DNAH2: variants seen among roughly 807,000 people sequenced by gnomAD.
The protein encoded by DNAH2 is dynein axonemal heavy chain 2.
DNAH2 carries 323 observed loss-of-function variants against 523.5 expected under a neutral mutation model. That is an observed-to-expected ratio of 0.62 (90% CI 0.56 to 0.68). The LOEUF (loss-of-function observed/expected upper bound fraction) is 0.68. DNAH2 is among the 30% of genes least tolerant of loss of function. The pLI is 0.00. For missense variants in DNAH2, 4,907 were observed against 5,701.5 expected (o/e 0.86, Z 4.49); for synonymous variants, 2,093 against 2,177.4 (o/e 0.96, Z 1.08).
chr17:7,793,512 T>TTTCTTTCTTTCA (rs2076974253), intron 48 of DNAH2, among the ~76,000 whole-genome samples: 1 of 136,918 alleles, frequency 7.3e-6, no homozygotes, highest in African/African-American at 2.6e-5. Context: ...TCTTTCTTTC[T>TTTCTTTCTTTCA]TTCTTCTCTT....
intron 4 of DNAH2, among the ~76,000 whole-genome samples, chr17:7,729,119 A>C (rs561108046): frequency 1.8e-4 from 27 of 152,162 alleles, no homozygotes; most frequent in Non-Finnish European, 3.4e-4. Flanking sequence ...AACCAAAAAA[A>C]CACAAAAAAA....
At position 7,821,045 on chromosome 17, in the gene DNAH2, GTAA is replaced by G. The variant is rs765341526; in HGVS notation, c.11016-185_11016-183del. Among the ~76,000 whole-genome samples the G allele has an allele frequency of 6.6e-6, 1 of 151,930 alleles. No homozygotes were observed. The highest frequency in any genetic ancestry group is 1.5e-5 in the Non-Finnish European group (1 of 67,974). Reference sequence around the variant, plus strand: ...CAAGAGCGAAACTCTGTCTCAAAAAGTAATAATAATAATAAGTGGACTCTGGGA... The same window carrying G: ...CAAGAGCGAAACTCTGTCTCAAAAAGTAATAATAATAAGTGGACTCTGGGA... On this transcript the variant is annotated intron_variant, in intron 72 of 85. Coordinates refer to ENST00000572933, the MANE Select transcript of DNAH2 (RefSeq NM_020877.5). This position sits in a 1 kb window ranked among gnomAD's most constrained non-coding sequence, Gnocchi z 5.0.
Position 7,739,951 on chromosome 17 carries a change from C to T in DNAH2, c.1376+13C>T, listed in dbSNP as rs780583484. On this transcript the variant is annotated intron_variant, in intron 9 of 85. Coordinates refer to ENST00000572933, the MANE Select transcript of DNAH2 (RefSeq NM_020877.5). ...AAGACTACAATAAGTGAGGGAACCA[C>T]AGGCTGATGCCAGGCGTGGGCAGGG... The T allele has an allele frequency of 8.7e-6, 14 of 1,612,516 alleles. No individual in the cohort carries two copies. Among genetic ancestry groups the T allele is most frequent in the African/African-American group, 1.3e-5 (1 of 74,742 alleles).
intron 3 of DNAH2, among the ~76,000 whole-genome samples, chr17:7,724,757 T>TTTTTC (rs1555534687): frequency 9.3e-5 from 14 of 150,794 alleles, no homozygotes; most frequent in African/African-American, 1.2e-4. Flanking sequence ...TTTTTTTTTT[T>TTTTTC]CTGAGATGGA....
intron 63 of DNAH2, among the ~76,000 whole-genome samples, chr17:7,809,662 C>T (rs557887406): frequency 6.6e-6 from 1 of 152,272 alleles, no homozygotes; most frequent in Admixed American, 6.5e-5. Flanking sequence ...CTGGGGTGCA[C>T]TGCCAACAAC....
In DNAH2 at chr17:7,780,957, C is replaced by T; in HGVS notation, c.6004-85C>T. The T allele has an allele frequency of 6.2e-7, 1 of 1,604,042 alleles. No homozygotes were observed. The highest frequency in any genetic ancestry group is 8.5e-7 in the Non-Finnish European group (1 of 1,175,356). On this transcript the variant is annotated intron_variant, in intron 38 of 85. Coordinates refer to ENST00000572933, the MANE Select transcript of DNAH2 (RefSeq NM_020877.5). This position sits in a 1 kb window ranked among gnomAD's most constrained non-coding sequence, Gnocchi z 4.4. ...ATGGCTAACTGGTGTATCCATTGTT[C>T]TTGGCACGTGCCCCGAAGCCCTTTG...
In DNAH2 at chr17:7,744,827, A is replaced by G. The variant is rs563110894; in HGVS notation, c.1904+1685A>G. ...TTGAACCTGCAAGACACATTCTCCC[A>G]TCGAGCTGGGTACCCCCAAAGTTAT... is the stretch of plus-strand genomic sequence containing the variant. On this transcript the variant is annotated intron_variant, in intron 12 of 85. Coordinates refer to ENST00000572933, the MANE Select transcript of DNAH2 (RefSeq NM_020877.5). 9.2e-5 allele frequency among the ~76,000 whole-genome samples: 14 copies of G among 152,266 alleles called. No individual in the cohort carries two copies. In the East Asian group the frequency reaches 2.5e-3, roughly 27 times the overall value.
At position 7,754,209 on chromosome 17, in the gene DNAH2, G is replaced by A. The variant is rs909384487; in HGVS notation, c.1905-2882G>A. 8 of 183,712 alleles carry A rather than the reference G, an allele frequency of 4.4e-5. No individual in the cohort carries two copies. Among genetic ancestry groups the A allele is most frequent in the Admixed American group, 2.4e-4 (4 of 16,520 alleles). 11.4% of individuals were successfully genotyped at this position (183,712 alleles called of 1,614,324 possible). The stretch of plus-strand genomic sequence containing the variant: ...GAAGAAGGACAGGAGTTGAAGGGGC[G>A]CTGTTTTTTATCCTTTTAATATTGT... On this transcript the variant is annotated intron_variant, in intron 12 of 85. Transcript: ENST00000572933. This position sits in a 1 kb window ranked among gnomAD's most constrained non-coding sequence, Gnocchi z 4.6.
chr17:7,792,149 G>A, intron 45 of DNAH2, 80 bp downstream of exon 45: 36 of 1,601,950 alleles, frequency 2.2e-5, no homozygotes, highest in Non-Finnish European at 2.7e-5. Flanking sequence ...CTCTGCTTGG[G>A]TTTCCCTCTC....
At chr17:7,758,847 C>G in intron 14 of DNAH2, 38 bp from the exon 15 acceptor site, 1 of 1,609,268 alleles carries the variant, frequency 6.2e-7, no homozygotes, top group Non-Finnish European at 8.5e-7. Context: ...TGGTCTCTTC[C>G]CGAGCTGAAA....
chr17:7,786,253 G>A lies in DNAH2; in HGVS notation c.6259G>A (p.Gly2087Ser), dbSNP rs2076730407. The A allele has an allele frequency of 6.2e-7, 1 of 1,613,938 alleles. No homozygotes were observed. The highest frequency in any genetic ancestry group is 1.7e-5 in the Admixed American group (1 of 59,984). ...CTCCACCATGATCGTGGGCTGCACGGGCAGCGGCAAGACTGCCTCATGGCG... is the reference window on the plus strand; with the variant it reads ...CTCCACCATGATCGTGGGCTGCACGAGCAGCGGCAAGACTGCCTCATGGCG... ...RHSTMIVGCT[G>S]SGKTASWRIL... is the part of the protein sequence containing the mutation. Residue 2087 changes from glycine to serine, a missense_variant, in exon 40 of 86, where the codon GGC becomes AGC. Physicochemically the swap from Gly to Ser is moderately conservative, Grantham distance 56. Transcript: ENST00000572933. The surrounding 1 kb of genome is among the most constrained non-coding windows in gnomAD (Gnocchi z 7.5).
chr17:7,757,609 G>A (rs2075881541), intron 13 of DNAH2, among the ~76,000 whole-genome samples: 1 of 152,226 alleles, frequency 6.6e-6, no homozygotes, highest in African/African-American at 2.4e-5. Flanking sequence ...CCCTGCCTCA[G>A]TTTCTGGACT....
Position 7,817,724 on chromosome 17 carries a change from G to A in DNAH2, c.10169+15G>A, listed in dbSNP as rs2077715821. The stretch of plus-strand genomic sequence containing the variant: ...CGAGGCAACAGGTGAGGGTGCTGCT[G>A]GGCGTGGGGGCGGTACGGGAGCATG... On this transcript the variant is annotated intron_variant, in intron 66 of 85. Coordinates refer to ENST00000572933, the MANE Select transcript of DNAH2 (RefSeq NM_020877.5). The A allele has an allele frequency of 1.9e-6, 3 of 1,614,162 alleles. No individual in the cohort carries two copies. The highest frequency in any genetic ancestry group is 1.7e-6 in the Non-Finnish European group (2 of 1,180,016).
rs553367967 is a variant in DNAH2, at chr17:7,723,901, GCGCAGGTCTCT to G, written c.228+214_228+224del. On this transcript the variant is annotated intron_variant, in intron 3 of 85. Coordinates refer to ENST00000572933, the MANE Select transcript of DNAH2 (RefSeq NM_020877.5). ...AGGACAGAGGAGGGCTTTAAGTAAG[GCGCAGGTCTCT>G]CTTGTCTCCCCACCTTGGGTCAAAC... 3.5e-4 allele frequency among the ~76,000 whole-genome samples: 54 copies of G among 152,270 alleles called. 1 individual carries two copies. In the South Asian group the frequency reaches 5.0e-3, roughly 14 times the overall value.
chr17:7,779,160 T>C, intron 35 of DNAH2, 83 bp from the exon 36 acceptor site: 2 of 1,527,234 alleles, frequency 1.3e-6, no homozygotes, highest in South Asian at 2.4e-5. Flanking sequence ...TATTGAAACA[T>C]TTGAAGGAAG....
intron 14 of DNAH2, 87 bp from the exon 15 acceptor site, chr17:7,758,798 T>C (rs1018360729): frequency 6.3e-7 from 1 of 1,580,902 alleles, no homozygotes; most frequent in African/African-American, 1.4e-5. Flanking sequence ...TCATCCAGTC[T>C]AGCTGGAGAA....
chr17:7,768,661 A>G (rs770072449), intron 24 of DNAH2, among the ~76,000 whole-genome samples: 1 of 151,942 alleles, frequency 6.6e-6, no homozygotes, highest in Non-Finnish European at 1.5e-5. Flanking sequence ...TCTAACTGAA[A>G]TTTTGTGTCC....
At chr17:7,744,147 A>T (rs1181868286) in intron 12 of DNAH2, among the ~76,000 whole-genome samples, 1 of 152,072 alleles carries the variant, frequency 6.6e-6, no homozygotes, top group Non-Finnish European at 1.5e-5. Flanking sequence ...TACAAAAATT[A>T]GCTGGGCATT....
intron 1 of DNAH2, 78 bp from the exon 2 acceptor site, chr17:7,719,643 A>C (rs1457108331): frequency 5.1e-6 from 8 of 1,554,116 alleles, no homozygotes; most frequent in Non-Finnish European, 7.1e-6. Context: ...TTATGAATTC[A>C]AAAGGGACTG....
Sources: gnomAD v4.1 joint callset for allele counts (sites outside exome capture counted in the v4.1 genomes callset) on GRCh38, gnomAD v4.1.1 for gene constraint, Gnocchi (gnomAD v3.1) non-coding constraint, MANE v1.5 for transcripts, NCBI Gene and HGNC (gene_info 2026-07-23, HGNC 2026-07-21) for gene names.